The following CASQ2 variants were observed in gnomAD, a reference collection of about 807,000 sequenced individuals.
CASQ2 encodes the protein calsequestrin 2, also known as calsequestrin-2.
A neutral mutation model predicts 46.5 loss-of-function variants in CASQ2; 49 were observed. The ratio of observed to expected loss-of-function variants is 1.05; its 90% CI spans 0.84 to 1.34. The LOEUF is 1.34. Among genes scored for constraint, CASQ2 ranks in the 40% most tolerant of loss-of-function variants. CASQ2 has a pLI of 0.00. For synonymous variants in CASQ2, 174 were observed against 168.5 expected, an observed-to-expected ratio of 1.03 and a Z score of -0.25; for missense variants, 486 against 481.3, an observed-to-expected ratio of 1.01 and a Z score of -0.09.
chr1:115,725,390 T>C (rs1223378789), intron 7 of CASQ2, 118 bp downstream of exon 7: 2 of 1,133,008 alleles, frequency 1.8e-6, no homozygotes, highest in African/African-American at 1.5e-5. Context: ...AATACTCATC[T>C]AGACATCCAC....
At chr1:115,742,741 C>T (rs983423909) in intron 2 of CASQ2, among the ~76,000 whole-genome samples, 1 of 152,044 alleles carries the variant, frequency 6.6e-6, no homozygotes, top group African/African-American at 2.4e-5. Context: ...CAAGAGACTG[C>T]TGGGGGAGGA....
intron 5 of CASQ2, among the ~76,000 whole-genome samples, chr1:115,727,510 A>G (rs1007989343): frequency 6.6e-6 from 1 of 152,262 alleles, no homozygotes; most frequent in African/African-American, 2.4e-5. Context: ...AATGGAACCA[A>G]TGTTGATAAA....
intron 8 of CASQ2, among the ~76,000 whole-genome samples, chr1:115,707,924 T>A (rs1373166877): frequency 1.3e-5 from 2 of 151,450 alleles, no homozygotes; most frequent in Admixed American, 6.6e-5. Flanking sequence ...GAAAGGAGAG[T>A]CTAGGCAGGC....
Position 115,761,529 on chromosome 1 carries a change from G to GAAGAAGAAGA in CASQ2, c.234+6778_234+6779insTCTTCTTCTT, listed in dbSNP as rs1557806976. 3.0e-5 allele frequency among the ~76,000 whole-genome samples: 2 copies of GAAGAAGAAGA among 67,794 alleles called. 1 individual carries two copies. The highest frequency in any genetic ancestry group is 1.8e-3 in the East Asian group (2 of 1,100). 44.5% of individuals were successfully genotyped at this position (67,794 alleles called of 152,430 possible). A position where few individuals can be genotyped will look rare whatever the true frequency, so the allele number is the denominator to read the frequency against. On this transcript the variant is annotated intron_variant, in intron 1 of 10. Transcript: ENST00000261448. Reference sequence around the variant, plus strand: ...AGAAGAAGAAGAAGAAGAAGAAGAAGAGTTCATAAAGTGCACATGAGTCTT... The same window carrying GAAGAAGAAGA: ...AGAAGAAGAAGAAGAAGAAGAAGAAGAAGAAGAAGAAGTTCATAAAGTGCACATGAGTCTT...
chr1:115,714,956 C>A (rs1654652763), intron 8 of CASQ2, among the ~76,000 whole-genome samples: 1 of 152,222 alleles, frequency 6.6e-6, no homozygotes, highest in Non-Finnish European at 1.5e-5. Flanking sequence ...TGATTCATTA[C>A]AGCAGCAATC....
intron 2 of CASQ2, among the ~76,000 whole-genome samples, chr1:115,742,919 G>A (rs1476039876): frequency 6.6e-6 from 1 of 152,004 alleles, no homozygotes; most frequent in Non-Finnish European, 1.5e-5. Flanking sequence ...CTCCCGAGTA[G>A]TGGGACTACA....
At chr1:115,761,464 G>GGCAAC (rs1648944826) in intron 1 of CASQ2, among the ~76,000 whole-genome samples, 1 of 5,644 alleles carries the variant, frequency 1.8e-4, no homozygotes, top group African/African-American at 9.2e-4. Flanking sequence ...GAAGAAGAAG[G>GGCAAC]AGAAGAAGAA....
chr1:115,719,236 C>T (rs1210786055), intron 7 of CASQ2, among the ~76,000 whole-genome samples: 2 of 151,538 alleles, frequency 1.3e-5, no homozygotes, highest in African/African-American at 2.4e-5. Flanking sequence ...TTTACAGATA[C>T]GCATGTGTGT....
intron 5 of CASQ2, among the ~76,000 whole-genome samples, chr1:115,729,021 C>T (rs927615013): frequency 1.7e-4 from 25 of 149,752 alleles, no homozygotes; most frequent in Non-Finnish European, 3.4e-4. Context: ...CTCAGAGAAT[C>T]CCTCTCTTTC....
chr1:115,728,972 G>C (rs1265179056), intron 5 of CASQ2, among the ~76,000 whole-genome samples: 1 of 147,234 alleles, frequency 6.8e-6, no homozygotes, highest in Non-Finnish European at 1.5e-5. Flanking sequence ...TCTCTTCACT[G>C]TCTACCTACC....
At chr1:115,707,438 C>T (rs13374904) in intron 8 of CASQ2, among the ~76,000 whole-genome samples, 7,755 of 152,162 alleles carry the variant, frequency 0.051, 368 homozygotes, top group African/African-American at 0.12. Context: ...TGACAAACAC[C>T]GGAGACTGAC....
At position 115,763,108 on chromosome 1, in the gene CASQ2, G is replaced by A. The variant is rs951544667; in HGVS notation, c.234+5200C>T. 2.5e-4 allele frequency among the ~76,000 whole-genome samples: 38 copies of A among 152,248 alleles called. No homozygotes were observed. In the East Asian group the frequency reaches 3.9e-3, roughly 15 times the overall value. On this transcript the variant is annotated intron_variant, in intron 1 of 10. Coordinates refer to ENST00000261448, the MANE Select transcript of CASQ2 (RefSeq NM_001232.4). ...CTTTGCTTTTTGCTTCCCCTATTACGAAGTTTGATTTTAATTCAGGTTGTT... is the reference window on the plus strand; with the variant it reads ...CTTTGCTTTTTGCTTCCCCTATTACAAAGTTTGATTTTAATTCAGGTTGTT...
intron 1 of CASQ2, among the ~76,000 whole-genome samples, chr1:115,746,751 T>G (rs1315473216): frequency 6.6e-6 from 1 of 151,902 alleles, no homozygotes; most frequent in Non-Finnish European, 1.5e-5. Context: ...TTACAAGCAT[T>G]TTTTTTTACT....
intron 4 of CASQ2, among the ~76,000 whole-genome samples, chr1:115,733,871 G>A (rs1310230455): frequency 6.6e-6 from 1 of 152,184 alleles, no homozygotes; most frequent in Non-Finnish European, 1.5e-5. Flanking sequence ...CTGGGACCAT[G>A]CAGAATTTAC....
chr1:115,703,446 A>G (rs1025404412), intron 9 of CASQ2, among the ~76,000 whole-genome samples: 9 of 152,164 alleles, frequency 5.9e-5, no homozygotes, highest in Admixed American at 2.6e-4. Flanking sequence ...ATGTGGACAA[A>G]TCTCTGACTG....
rs187306418 is a variant in CASQ2, at chr1:115,725,542, C to A, written c.749G>T (p.Arg250Leu). ...AAACATTTCTTCTGGGCGCAGGCGA[C>A]GTAGAGTGGGTCTGGAAAAAAAAAA... ...FVKEHQRPTLRRLRPEEMFET... is the reference protein window; with the variant it reads ...FVKEHQRPTLLRLRPEEMFET... Residue 250 changes from arginine (R) to leucine (L), a missense_variant, in exon 7 of 11, where the codon CGT becomes CTT. Arg to Leu is a moderately radical substitution (Grantham distance 102, BLOSUM62 -2). Transcript: ENST00000261448. 6 of 1,487,926 alleles carry A rather than the reference C, an allele frequency of 4.0e-6. No homozygotes were observed. Among genetic ancestry groups the A allele is most frequent in the East Asian group, 2.3e-5 (1 of 43,126 alleles). The allele number at this position is 1,487,926 out of a possible 1,614,324, so 92.2% of individuals were successfully genotyped here. A position where few individuals can be genotyped will look rare whatever the true frequency, so the allele number is the denominator to read the frequency against.
rs2997742 is a variant in CASQ2 at position 115,717,983 on chromosome 1, G to A, written c.784-89C>T. 0.57 allele frequency: 501,421 copies of A among 886,898 alleles called. 143,218 individuals are homozygous for A. The highest frequency in any genetic ancestry group is 0.67 in the East Asian group (27,801 of 41,576). The allele number at this position is 886,898 out of a possible 1,614,324, so 54.9% of individuals were successfully genotyped here. A position where few individuals can be genotyped will look rare whatever the true frequency, so the allele number is the denominator to read the frequency against. ...GACAGGGACTCAGAAGCTGGAATGG[G>A]AATAGGAGAGGTAGGGAGAGGTGTG... On this transcript the variant is annotated intron_variant, in intron 7 of 10. Transcript: ENST00000261448.
chr1:115,737,456 T>C (rs1462370711), intron 4 of CASQ2, among the ~76,000 whole-genome samples: 1 of 152,164 alleles, frequency 6.6e-6, no homozygotes. Context: ...CTACCAGAGT[T>C]ATGCTCACCC....
intron 3 of CASQ2, 59 bp from the exon 4 acceptor site, chr1:115,738,394 G>A: frequency 9.1e-7 from 1 of 1,101,324 alleles, no homozygotes; most frequent in Non-Finnish European, 1.4e-6. Flanking sequence ...TCTTCACTGG[G>A]GAAACAGAGT....
Sources: gnomAD v4.1 joint callset for allele counts (sites outside exome capture counted in the v4.1 genomes callset) on GRCh38, gnomAD v4.1.1 for gene constraint, MANE v1.5 for transcripts, NCBI Gene and HGNC (gene_info 2026-07-23, HGNC 2026-07-21) for gene names.